PRKAR1B: variants seen among roughly 807,000 people sequenced by gnomAD.
PRKAR1B encodes cAMP-dependent protein kinase type I-beta regulatory subunit.
A neutral mutation model predicts 46.5 loss-of-function variants in PRKAR1B; 22 were observed. The observed-to-expected ratio is 0.47, with a 90% CI of 0.34 to 0.68. The LOEUF (loss-of-function observed/expected upper bound fraction) is 0.68. Among genes scored for constraint, PRKAR1B ranks in the 30% least tolerant of loss-of-function variants. PRKAR1B has a pLI of 0.01. For synonymous variants in PRKAR1B, 259 were observed against 217.7 expected (o/e 1.19, Z -1.67); for missense variants, 445 against 535.6 (o/e 0.83, Z 1.67).
intron 4 of PRKAR1B, among the ~76,000 whole-genome samples, chr7:609,993 T>C (rs142951665): frequency 0.011 from 1,709 of 152,318 alleles, 16 homozygotes; most frequent in Non-Finnish European, 0.017. Flanking sequence ...TCCTCCTACC[T>C]TGGCCTCCCA....
intron 4 of PRKAR1B, among the ~76,000 whole-genome samples, chr7:638,511 C>G (rs1258835074): frequency 6.6e-6 from 1 of 152,176 alleles, no homozygotes; most frequent in Non-Finnish European, 1.5e-5. Flanking sequence ...GCACAGGGCT[C>G]TCTCCTCGCC....
chr7:579,322 C>T lies in PRKAR1B; in HGVS notation c.825G>A (p.Gln275=), dbSNP rs1158383268. ...LTVADALEPV[Q]FEDGEKIVVQ... is the part of the protein sequence containing the mutation. ...CCACAATTTTCTCTCCATCTTCAAA[C>T]TGGACGGGCTCCAGCGCATCCGCCA... Residue 275 remains glutamine, a synonymous_variant, in exon 9 of 11, where the codon CAG becomes CAA. Transcript: ENST00000537384. 6.2e-7 allele frequency: 1 copy of T among 1,614,196 alleles called. No individual in the cohort carries two copies. The highest frequency in any genetic ancestry group is 1.3e-5 in the African/African-American group (1 of 75,072).
rs1779267550 is a variant in PRKAR1B, at chr7:689,112, G to A, written c.178-8386C>T. Among the ~76,000 whole-genome samples, 3 of 151,168 alleles carry A rather than the reference G, an allele frequency of 2.0e-5. No homozygotes were observed. In the South Asian group the frequency reaches 6.3e-4, roughly 32 times the overall value. ...GAGAACACTGGAACAGAACTAAAAA[G>A]AAAAAAAAATTTTTTTTTTTTGAGG... On this transcript the variant is annotated intron_variant, in intron 2 of 10. Coordinates refer to ENST00000537384, the MANE Select transcript of PRKAR1B (RefSeq NM_001164760.2).
rs1287325097 is a variant in PRKAR1B at position 550,508 on chromosome 7, C to T, written c.1068G>A (p.Glu356=). ...KCVKLDRPRF[E]RVLGPCSEIL... ...TCTCAGAGCAGGGCCCCAGCACACG[C>T]TCGAAGCGGGGCCGGTCCAGCTTCA... The change falls in exon 11 of 11, where the codon GAG becomes GAA. Residue 356 remains glutamate (E), a synonymous_variant. Coordinates refer to ENST00000537384, the MANE Select transcript of PRKAR1B (RefSeq NM_001164760.2). 3 of 1,602,136 alleles carry T rather than the reference C, an allele frequency of 1.9e-6. No homozygotes were observed. The highest frequency in any genetic ancestry group is 1.3e-5 in the African/African-American group (1 of 74,732).
intron 4 of PRKAR1B, among the ~76,000 whole-genome samples, chr7:657,615 G>A (rs1378532478): frequency 6.6e-6 from 1 of 152,166 alleles, no homozygotes; most frequent in Non-Finnish European, 1.5e-5. Context: ...GGGCTGAGGC[G>A]CCGTTTTGGG....
intron 5 of PRKAR1B, among the ~76,000 whole-genome samples, chr7:606,515 G>A (rs183000125): frequency 7.2e-5 from 11 of 151,982 alleles, no homozygotes; most frequent in South Asian, 4.2e-4. Flanking sequence ...TCAGGCTCTC[G>A]GCTCACTGCA....
intron 2 of PRKAR1B, among the ~76,000 whole-genome samples, chr7:707,625 G>A (rs1448260486): frequency 6.6e-6 from 1 of 152,144 alleles, no homozygotes; most frequent in Non-Finnish European, 1.5e-5. Context: ...CGGAGGTGAG[G>A]AAGTTACAAG....
At chr7:551,268 C>G in intron 10 of PRKAR1B, 121 bp downstream of exon 10, 1 of 938,418 alleles carries the variant, frequency 1.1e-6, no homozygotes, top group Non-Finnish European at 1.6e-6. Context: ...TGGGGCTCAG[C>G]CAAGCCCCAC....
intron 9 of PRKAR1B, among the ~76,000 whole-genome samples, chr7:557,088 T>C (rs1778491370): frequency 6.6e-6 from 1 of 151,898 alleles, no homozygotes. Flanking sequence ...CCAACCAGAG[T>C]CGGGGAGGAA....
chr7:590,903 C>T (rs1222278232), intron 7 of PRKAR1B, among the ~76,000 whole-genome samples: 1 of 152,184 alleles, frequency 6.6e-6, no homozygotes, highest in Non-Finnish European at 1.5e-5. Context: ...GCAGAAAGTG[C>T]CGCGTGTCTG....
chr7:583,549 AAC>A (rs200953818), intron 8 of PRKAR1B, among the ~76,000 whole-genome samples: 45,152 of 120,242 alleles, frequency 0.38, 9,698 homozygotes, highest in African/African-American at 0.44. Flanking sequence ...ACACGTGCCA[AAC>A]ACATGCGTGC....
intron 2 of PRKAR1B, among the ~76,000 whole-genome samples, chr7:694,441 A>C (rs1039429910): frequency 2.0e-5 from 3 of 151,968 alleles, no homozygotes; most frequent in Admixed American, 6.5e-5. Context: ...CCACAAAGCC[A>C]ACCCCAAAGA....
At chr7:710,734 C>T (rs1780581281) in intron 2 of PRKAR1B, among the ~76,000 whole-genome samples, 1 of 151,506 alleles carries the variant, frequency 6.6e-6, no homozygotes, top group Admixed American at 6.6e-5. Flanking sequence ...CAGCCTCCAC[C>T]TCCCGGTTCA....
chr7:625,474 C>T (rs1783334485), intron 4 of PRKAR1B, among the ~76,000 whole-genome samples: 1 of 152,192 alleles, frequency 6.6e-6, no homozygotes, highest in South Asian at 2.1e-4. Flanking sequence ...CAAAGCATCT[C>T]TAACTTCAGA....
At chr7:608,628 T>G (rs368839636) in intron 4 of PRKAR1B, 1 of 50,964 alleles carries the variant, frequency 2.0e-5, no homozygotes, top group African/African-American at 5.6e-5. Context: ...TAGGGAGGGC[T>G]GGGGGGCCTC....
At position 685,295 on chromosome 7, in the gene PRKAR1B, C is replaced by CGTATATATATATATACGTATATATACGT. The variant is rs1300520762; in HGVS notation, c.178-4570_178-4569insACGTATATATACGTATATATATATATAC. 1.1e-3 allele frequency among the ~76,000 whole-genome samples: 13 copies of CGTATATATATATATACGTATATATACGT among 12,232 alleles called. 2 individuals are homozygous for CGTATATATATATATACGTATATATACGT. Among genetic ancestry groups the CGTATATATATATATACGTATATATACGT allele is most frequent in the Admixed American group, 2.5e-3 (3 of 1,214 alleles). 8.0% of individuals were successfully genotyped at this position (12,232 alleles called of 152,430 possible). On this transcript the variant is annotated intron_variant, in intron 2 of 10. Transcript: ENST00000537384. ...GTATATATACGTATATATATGTATA[C>CGTATATATATATATACGTATATATACGT]ATATATATATACGTATATATACGTA...
chr7:586,798 G>A (rs538658274), intron 7 of PRKAR1B, among the ~76,000 whole-genome samples: 14 of 152,264 alleles, frequency 9.2e-5, no homozygotes, highest in Admixed American at 2.0e-4. Flanking sequence ...TCCTGCAGGC[G>A]GCTGGCATAA....
At chr7:594,679 A>G (rs1274249951) in intron 7 of PRKAR1B, among the ~76,000 whole-genome samples, 1 of 151,600 alleles carries the variant, frequency 6.6e-6, no homozygotes, top group Non-Finnish European at 1.5e-5. Flanking sequence ...CCTAGACCAC[A>G]AGGGGACCCC....
At chr7:598,019 G>A (rs1004485217) in intron 6 of PRKAR1B, among the ~76,000 whole-genome samples, 17 of 152,184 alleles carry the variant, frequency 1.1e-4, no homozygotes, top group East Asian at 5.8e-4. Context: ...GTCTATCCAC[G>A]CTGCAGGTGA....
Sources: gnomAD v4.1 joint callset for allele counts (sites outside exome capture counted in the v4.1 genomes callset) on GRCh38, gnomAD v4.1.1 for gene constraint, MANE v1.5 for transcripts, NCBI Gene and HGNC (gene_info 2026-07-23, HGNC 2026-07-21) for gene names.